BCO1: variants seen among roughly 807,000 people sequenced by gnomAD.
BCO1 encodes beta,beta-carotene 15,15'-dioxygenase.
BCO1 carries 54 observed loss-of-function variants against 56.3 expected under a neutral mutation model. That is an observed-to-expected ratio of 0.96 (90% CI 0.77 to 1.20). The LOEUF (loss-of-function observed/expected upper bound fraction) is 1.20. BCO1 is among the 50% of genes most tolerant of loss of function. The pLI, the probability that BCO1 is intolerant of heterozygous loss-of-function variation, is 0.00. For synonymous variants in BCO1, 318 were observed against 266.1 expected, an observed-to-expected ratio of 1.20 and a Z score of -1.90; for missense variants, 801 against 690.9, an observed-to-expected ratio of 1.16 and a Z score of -1.79.
intron 8 of BCO1, among the ~76,000 whole-genome samples, chr16:81,284,232 TTATATATTTATATATTTATATATAAA>T (rs1367021838): frequency 3.1e-3 from 378 of 121,670 alleles, no homozygotes; most frequent in African/African-American, 0.011. Flanking sequence ...ATATATATTT[TTATATATTTATATATTTATATATAAA>T]TATATATTTA....
At chr16:81,259,579 A>G in intron 2 of BCO1, 97 bp from the exon 3 acceptor site, 1 of 1,500,122 alleles carries the variant, frequency 6.7e-7, no homozygotes, top group Non-Finnish European at 9.2e-7. Flanking sequence ...TGAAATAACC[A>G]CCTTCTTCTC....
chr16:81,250,457 G>T (rs1284789699), intron 2 of BCO1, among the ~76,000 whole-genome samples: 1 of 151,858 alleles, frequency 6.6e-6, no homozygotes. Flanking sequence ...CACCAGAAAT[G>T]TTCAGTTCCA....
At chr16:81,275,481 T>C (rs1255103388) in intron 7 of BCO1, among the ~76,000 whole-genome samples, 1 of 152,242 alleles carries the variant, frequency 6.6e-6, no homozygotes, top group Non-Finnish European at 1.5e-5. Context: ...TAATGGCGCC[T>C]TGTAACTCTT....
rs143916938 is a variant in BCO1, at chr16:81,262,481, T to C, written c.471+198T>C. The C allele has an allele frequency of 2.3e-4, 144 of 626,368 alleles. No homozygotes were observed. In the African/African-American group the frequency reaches 2.5e-3, roughly 11 times the overall value. The allele number at this position is 626,368 out of a possible 1,614,324, so 38.8% of individuals were successfully genotyped here. On this transcript the variant is annotated intron_variant, in intron 4 of 10. Transcript: ENST00000258168. The stretch of plus-strand genomic sequence containing the variant: ...TGTGTTGTTTTTATCTTCGTGTCTG[T>C]ATCAGTTTCCTGGGGCTGATGTAAC...
Position 81,249,393 on chromosome 16 carries a change from A to G in BCO1, c.193+3790A>G, listed in dbSNP as rs573332618. On this transcript the variant is annotated intron_variant, in intron 2 of 10. Transcript: ENST00000258168. ...TGTGTCAGCCTCCCGAGTAGCTGGG[A>G]CTACAGGCTCCCACCACCACGCCTG... 2.9e-3 allele frequency among the ~76,000 whole-genome samples: 436 copies of G among 152,066 alleles called. 2 individuals are homozygous for G. Among genetic ancestry groups the G allele is most frequent in the African/African-American group, 9.6e-3 (398 of 41,492 alleles).
intron 2 of BCO1, among the ~76,000 whole-genome samples, chr16:81,256,932 C>A (rs1398331402): frequency 1.3e-5 from 2 of 151,932 alleles, no homozygotes; most frequent in African/African-American, 2.4e-5. Context: ...CCTAGTAGGA[C>A]CCCTCAACCC....
intron 5 of BCO1, among the ~76,000 whole-genome samples, chr16:81,267,611 T>G (rs1268518202): frequency 6.6e-6 from 1 of 152,096 alleles, no homozygotes. Context: ...AGACTCTATC[T>G]CAGACAAACC....
rs1050444134 is a variant in BCO1, at chr16:81,272,802, A to T, written c.1101+2386A>T. 8.5e-5 allele frequency among the ~76,000 whole-genome samples: 13 copies of T among 152,088 alleles called. 1 individual carries two copies. The highest frequency in any genetic ancestry group is 3.1e-4 in the African/African-American group (13 of 41,410). On this transcript the variant is annotated intron_variant, in intron 7 of 10. Coordinates refer to ENST00000258168, the MANE Select transcript of BCO1 (RefSeq NM_017429.3). ...CTTTGCTAAGCATTTTGTTTTTCTTACCTCACTTAATGATCAAAACAACCT... is the reference window on the plus strand; with the variant it reads ...CTTTGCTAAGCATTTTGTTTTTCTTTCCTCACTTAATGATCAAAACAACCT...
At chr16:81,259,888 A>G (rs905603303) in intron 3 of BCO1, 83 bp downstream of exon 3, 72 of 1,558,316 alleles carry the variant, frequency 4.6e-5, no homozygotes, top group Non-Finnish European at 6.1e-5. Context: ...TGCTCCTCTG[A>G]CAATTCTCTT....
At chr16:81,261,940 C>T (rs1906510071) in intron 3 of BCO1, 196 bp from the exon 4 acceptor site, 3 of 584,284 alleles carry the variant, frequency 5.1e-6, no homozygotes, top group Non-Finnish European at 6.1e-6. Context: ...GACGGGGTTT[C>T]ACCGTGTTGG....
intron 8 of BCO1, among the ~76,000 whole-genome samples, chr16:81,282,337 C>A (rs548988744): frequency 1.3e-5 from 2 of 152,132 alleles, no homozygotes; most frequent in African/African-American, 2.4e-5. Context: ...GCTGAGATTG[C>A]GCCACTGCAC....
intron 1 of BCO1, 32 bp from the exon 2 acceptor site, chr16:81,245,443 A>G: frequency 6.2e-7 from 1 of 1,614,162 alleles, no homozygotes; most frequent in Non-Finnish European, 8.5e-7. Flanking sequence ...TGCAGGTGGA[A>G]ACGGGAAACT....
intron 1 of BCO1, among the ~76,000 whole-genome samples, chr16:81,240,317 T>A (rs551023566): frequency 6.6e-6 from 1 of 152,330 alleles, no homozygotes; most frequent in South Asian, 2.1e-4. Flanking sequence ...ATTACTATAT[T>A]TGTAAACAGT....
At position 81,238,844 on chromosome 16, in the gene BCO1, T is replaced by A. The variant is rs1904976954; in HGVS notation, c.-65T>A. ...GGAAACGCAGGAGGAGGGAGCAGCA[T>A]CTCCTGTGAACACAGAGGAGCACCT... On this transcript the variant is annotated 5_prime_UTR_variant, in exon 1 of 11. Transcript: ENST00000258168. 7.2e-7 allele frequency: 1 copy of A among 1,393,778 alleles called. No individual in the cohort carries two copies. Among genetic ancestry groups the A allele is most frequent in the Admixed American group, 1.7e-5 (1 of 59,614 alleles). 86.3% of individuals were successfully genotyped at this position (1,393,778 alleles called of 1,614,324 possible).
At chr16:81,268,343 A>C (rs1906965169) in intron 6 of BCO1, among the ~76,000 whole-genome samples, 1 of 152,126 alleles carries the variant, frequency 6.6e-6, no homozygotes, top group East Asian at 1.9e-4. Context: ...GAGTTATTGG[A>C]TGAGGCTGTC....
Position 81,250,492 on chromosome 16 carries a change from C to T in BCO1, c.193+4889C>T, listed in dbSNP as rs536541579. ...ACTCTAGCGGGTTCAGAAGAGAACA[C>T]GTGGGGAAGTTGGGGTCCCTGATAA... On this transcript the variant is annotated intron_variant, in intron 2 of 10. Transcript: ENST00000258168. Among the ~76,000 whole-genome samples the T allele has an allele frequency of 7.3e-5, 11 of 151,638 alleles. No individual in the cohort carries two copies. In the East Asian group the frequency reaches 1.7e-3, roughly 24 times the overall value.
chr16:81,262,838 A>AAAAC, intron 4 of BCO1: 1 of 114,598 alleles, frequency 8.7e-6, no homozygotes, highest in Non-Finnish European at 1.7e-5. Flanking sequence ...AACAAAAACA[A>AAAAC]AAAAAAAAAA....
At chr16:81,243,529 C>A (rs1255888212) in intron 1 of BCO1, among the ~76,000 whole-genome samples, 1 of 152,042 alleles carries the variant, frequency 6.6e-6, no homozygotes, top group African/African-American at 2.4e-5. Flanking sequence ...AGTGCAGTGG[C>A]GTGATCTCAG....
chr16:81,268,081 A>T lies in BCO1; in HGVS notation c.793A>T (p.Ile265Phe). 6.2e-7 allele frequency: 1 copy of T among 1,612,568 alleles called. No individual in the cohort carries two copies. Among genetic ancestry groups the T allele is most frequent in the Non-Finnish European group, 8.5e-7 (1 of 1,179,992 alleles). Residue 265 changes from isoleucine (I) to phenylalanine (F), a missense_variant, in exon 6 of 11, where the codon ATC becomes TTC. Physicochemically the swap from Ile to Phe is conservative, Grantham distance 21. Coordinates refer to ENST00000258168, the MANE Select transcript of BCO1 (RefSeq NM_017429.3). ...TATTCTCAAGATGGCAACCGCATAC[A>T]TCCGGAGAATGAGCTGGGCCTCCTG... ...LDILKMATAY[I>F]RRMSWASCLA...
Sources: allele counts gnomAD v4.1 joint callset (sites outside exome capture counted in the v4.1 genomes callset), GRCh38; gene constraint gnomAD v4.1.1; transcripts MANE v1.5; gene names NCBI Gene and HGNC (gene_info 2026-07-23, HGNC 2026-07-21).